MAP3K5: variants seen among roughly 807,000 people sequenced by gnomAD.
MAP3K5 encodes mitogen-activated protein kinase kinase kinase 5.
In MAP3K5, 56 loss-of-function variants were observed where a neutral mutation model predicts 158.7. The observed-to-expected ratio is 0.35, with a 90% CI of 0.28 to 0.44. The LOEUF is 0.44. Among genes scored for constraint, MAP3K5 ranks in the 20% least tolerant of loss-of-function variants. The probability of loss-of-function intolerance (pLI) is 1.00; values close to 1 mark genes in which losing one functional copy is unlikely to be tolerated. For synonymous variants in MAP3K5, 579 were observed against 601.7 expected, an observed-to-expected ratio of 0.96 and a Z score of 0.55; for missense variants, 1,294 against 1,674.8, an observed-to-expected ratio of 0.77 and a Z score of 3.97.
At chr6:136,681,220 T>C (rs1432839265) in intron 7 of MAP3K5, among the ~76,000 whole-genome samples, 2 of 152,182 alleles carry the variant, frequency 1.3e-5, no homozygotes, top group Non-Finnish European at 2.9e-5. Flanking sequence ...GCCTGGCAAA[T>C]ATCTAGTTCT....
At chr6:136,588,040 T>TG in intron 23 of MAP3K5, among the ~76,000 whole-genome samples, 1 of 152,302 alleles carries the variant, frequency 6.6e-6, no homozygotes, top group South Asian at 2.1e-4. Flanking sequence ...GCACATTCTT[T>TG]GGGGGTAATT....
chr6:136,663,070 C>T (rs1162221820), intron 8 of MAP3K5, among the ~76,000 whole-genome samples: 1 of 152,158 alleles, frequency 6.6e-6, no homozygotes, highest in Non-Finnish European at 1.5e-5. Context: ...TACTCAGATG[C>T]CTAGCACTGT....
intron 25 of MAP3K5, among the ~76,000 whole-genome samples, chr6:136,573,632 G>A (rs921188497): frequency 1.3e-5 from 2 of 152,124 alleles, no homozygotes; most frequent in African/African-American, 4.8e-5. Context: ...GCAGAGTTCT[G>A]GGGGAGGGGA....
At chr6:136,748,045 AC>A (rs1783038803) in intron 1 of MAP3K5, among the ~76,000 whole-genome samples, 1 of 152,200 alleles carries the variant, frequency 6.6e-6, no homozygotes, top group African/African-American at 2.4e-5. Context: ...CTAAAAAAAA[AC>A]AAAATTTCCA....
intron 25 of MAP3K5, among the ~76,000 whole-genome samples, chr6:136,575,180 G>A (rs1261555660): frequency 1.4e-5 from 1 of 72,926 alleles, no homozygotes; most frequent in Admixed American, 1.4e-4. Context: ...TTTTTTTTTT[G>A]AGACAGGGTC....
chr6:136,694,046 G>C (rs537261486), intron 7 of MAP3K5, 94 bp downstream of exon 7: 1 of 921,674 alleles, frequency 1.1e-6, no homozygotes, highest in South Asian at 1.8e-5. Context: ...CAATCTTATG[G>C]ATTATAATAA....
intron 1 of MAP3K5, among the ~76,000 whole-genome samples, chr6:136,781,283 C>T (rs1784602629): frequency 6.6e-6 from 1 of 152,182 alleles, no homozygotes; most frequent in African/African-American, 2.4e-5. Context: ...AACTGGCAAC[C>T]ACTATTGAGT....
In MAP3K5 at chr6:136,616,714, T is replaced by C. The variant is rs530049242; in HGVS notation, c.2151-2428A>G. Among the ~76,000 whole-genome samples the C allele has an allele frequency of 4.6e-5, 7 of 151,978 alleles. No homozygotes were observed. The South Asian group carries it at 1.5e-3, about 32-fold the overall frequency. Reference sequence around the variant, plus strand: ...CAATCAAGTAACTCGATGATGATGATGATGATGATGATGATGGTGATGATG... The same window carrying C: ...CAATCAAGTAACTCGATGATGATGACGATGATGATGATGATGGTGATGATG... On this transcript the variant is annotated intron_variant, in intron 15 of 29. Coordinates refer to ENST00000359015, the MANE Select transcript of MAP3K5 (RefSeq NM_005923.4).
chr6:136,770,407 A>G (rs1187687332), intron 1 of MAP3K5, among the ~76,000 whole-genome samples: 1 of 152,214 alleles, frequency 6.6e-6, no homozygotes, highest in Non-Finnish European at 1.5e-5. Flanking sequence ...AGACCATGCC[A>G]TGACCAAATA....
chr6:136,720,861 C>T (rs1298069533), intron 1 of MAP3K5, among the ~76,000 whole-genome samples: 2 of 152,132 alleles, frequency 1.3e-5, no homozygotes, highest in African/African-American at 2.4e-5. Context: ...CTGACTGCAG[C>T]CTTGAACTCC....
chr6:136,726,939 T>G (rs1013261227), intron 1 of MAP3K5, among the ~76,000 whole-genome samples: 7 of 152,264 alleles, frequency 4.6e-5, no homozygotes, highest in African/African-American at 1.4e-4. Context: ...GGATTTTGTT[T>G]TTTCCCTTCC....
chr6:136,559,353 A>AAAAAACAAAAACAAAAACAAAAAC (rs147599173), intron 28 of MAP3K5, among the ~76,000 whole-genome samples: 1 of 125,088 alleles, frequency 8.0e-6, no homozygotes, highest in Non-Finnish European at 1.6e-5. Context: ...CTCCGTCTCA[A>AAAAAACAAAAACAAAAACAAAAAC]AAAAACAAAA....
intron 24 of MAP3K5, among the ~76,000 whole-genome samples, 185 bp from the exon 25 acceptor site, chr6:136,580,591 AG>A (rs1439429473): frequency 1.3e-5 from 2 of 152,226 alleles, no homozygotes; most frequent in Non-Finnish European, 2.9e-5. Flanking sequence ...AAGTTTAGTG[AG>A]CCCCATGTAA....
At chr6:136,611,967 G>A (rs529105586) in intron 17 of MAP3K5, among the ~76,000 whole-genome samples, 10 of 152,186 alleles carry the variant, frequency 6.6e-5, no homozygotes, top group Admixed American at 6.5e-4. Flanking sequence ...TGTCTTTACA[G>A]GCTTCTCCAT....
At chr6:136,635,602 T>A (rs1173476477) in intron 14 of MAP3K5, among the ~76,000 whole-genome samples, 3 of 151,840 alleles carry the variant, frequency 2.0e-5, no homozygotes, top group Non-Finnish European at 4.4e-5. Flanking sequence ...CAACTAGCTA[T>A]TATAGGCCAG....
chr6:136,606,021 G>A (rs1184524249), intron 18 of MAP3K5, among the ~76,000 whole-genome samples: 1 of 152,166 alleles, frequency 6.6e-6, no homozygotes, highest in Non-Finnish European at 1.5e-5. Flanking sequence ...CAGGCCATGA[G>A]CCATCCATAT....
intron 20 of MAP3K5, among the ~76,000 whole-genome samples, 157 bp from the exon 21 acceptor site, chr6:136,601,199 A>G (rs1443024215): frequency 1.3e-5 from 2 of 150,354 alleles, no homozygotes; most frequent in African/African-American, 5.0e-5. Context: ...AAAAAACGCC[A>G]AGAACAATTG....
intron 8 of MAP3K5, among the ~76,000 whole-genome samples, chr6:136,663,723 T>C (rs1583373561): frequency 6.6e-6 from 1 of 151,534 alleles, no homozygotes; most frequent in South Asian, 2.1e-4. Flanking sequence ...GATTCTCCTG[T>C]CTCAGTCTCC....
chr6:136,602,214 G>A (rs1179363649), intron 19 of MAP3K5, among the ~76,000 whole-genome samples: 1 of 152,202 alleles, frequency 6.6e-6, no homozygotes, highest in Non-Finnish European at 1.5e-5. Context: ...GAAGACAGTA[G>A]GCAGCACTAT....
Sources: gnomAD v4.1 joint callset for allele counts (sites outside exome capture counted in the v4.1 genomes callset) on GRCh38, gnomAD v4.1.1 for gene constraint, MANE v1.5 for transcripts, NCBI Gene and HGNC (gene_info 2026-07-23, HGNC 2026-07-21) for gene names.